Variants in SUGCT observed in about 807,000 individuals in gnomAD.
SUGCT encodes the protein succinyl-CoA:glutarate-CoA transferase, also known as succinyl-CoA:glutarate CoA-transferase.
A neutral mutation model predicts 55.0 loss-of-function variants in SUGCT; 41 were observed. The ratio of observed to expected loss-of-function variants is 0.74; its 90% CI spans 0.58 to 0.97. The LOEUF is 0.97. Among genes scored for constraint, SUGCT ranks in the 50% least tolerant of loss-of-function variants. The probability of loss-of-function intolerance (pLI) is 0.00; values close to 1 mark genes in which losing one functional copy is unlikely to be tolerated. For missense variants in SUGCT, 568 were observed against 547.8 expected (o/e 1.04, Z -0.37); for synonymous variants, 187 against 200.4 (o/e 0.93, Z 0.56).
At chr7:40,352,743 G>A (rs759233409) in intron 9 of SUGCT, among the ~76,000 whole-genome samples, 2 of 152,128 alleles carry the variant, frequency 1.3e-5, no homozygotes, top group Non-Finnish European at 1.5e-5. Context: ...ACATACGCGT[G>A]CGTGTGTCTT....
chr7:40,987,275 C>T, the SUGCT span, among the ~76,000 whole-genome samples: 3,055 of 152,080 alleles, frequency 0.02, 95 homozygotes, highest in African/African-American at 0.069. Context: ...GTGGACATGA[C>T]GAGGGGACTG....
At chr7:40,439,648 T>C (rs894915314) in intron 9 of SUGCT, among the ~76,000 whole-genome samples, 4 of 152,130 alleles carry the variant, frequency 2.6e-5, no homozygotes, top group Non-Finnish European at 5.9e-5. Flanking sequence ...CTACTCTTTT[T>C]TAGTCTTTCA....
At chr7:40,523,771 A>G (rs1206105744) in intron 12 of SUGCT, among the ~76,000 whole-genome samples, 1 of 152,046 alleles carries the variant, frequency 6.6e-6, no homozygotes, top group Non-Finnish European at 1.5e-5. Context: ...GCATGCATGG[A>G]TTGTTTGCTG....
intron 12 of SUGCT, among the ~76,000 whole-genome samples, chr7:40,643,640 C>G (rs768288142): frequency 2.6e-5 from 4 of 152,206 alleles, no homozygotes; most frequent in Non-Finnish European, 5.9e-5. Flanking sequence ...TCTCCTAGCT[C>G]ATTTGAATTT....
chr7:40,258,524 G>A lies in SUGCT; in HGVS notation c.577-15989G>A, dbSNP rs542708265. Among the ~76,000 whole-genome samples the A allele has an allele frequency of 2.0e-4, 31 of 152,276 alleles. No homozygotes were observed. In the South Asian group the frequency reaches 6.4e-3, roughly 32 times the overall value. On this transcript the variant is annotated intron_variant, in intron 7 of 13. Transcript: ENST00000335693. Reference sequence around the variant, plus strand: ...CTCCTGAGTAGCTGGGATTACAGGAGTGTGCAACCATCTCCAGCTAATTAT... The same window carrying A: ...CTCCTGAGTAGCTGGGATTACAGGAATGTGCAACCATCTCCAGCTAATTAT...
intron 9 of SUGCT, among the ~76,000 whole-genome samples, chr7:40,403,955 A>G (rs538526254): frequency 1.5e-4 from 23 of 152,294 alleles, no homozygotes; most frequent in African/African-American, 4.6e-4. Flanking sequence ...GAAATTGTGC[A>G]TTACATTCTT....
At position 40,195,031 on chromosome 7, in the gene SUGCT, C is replaced by CTCCTCACATCATCTATTGT; in HGVS notation, c.459_477dup (p.Ile160SerfsTer23). On this transcript the variant is annotated frameshift_variant, in exon 6 of 14. Transcript: ENST00000335693. LOFTEE classifies it high-confidence loss of function. ...GGATATGAAGATATAGACGAGATTG[C>CTCCTCACATCATCTATTGT]TCCTCACATCATCTATTGTTCCATC... The CTCCTCACATCATCTATTGT allele has an allele frequency of 6.2e-7, 1 of 1,613,608 alleles. No individual in the cohort carries two copies. The highest frequency in any genetic ancestry group is 8.5e-7 in the Non-Finnish European group (1 of 1,179,734).
chr7:40,445,761 T>C (rs947799461), intron 9 of SUGCT, among the ~76,000 whole-genome samples: 27 of 152,242 alleles, frequency 1.8e-4, no homozygotes, highest in African/African-American at 5.1e-4. Flanking sequence ...ACATATTATT[T>C]TTTAAAGTTC....
the SUGCT span, among the ~76,000 whole-genome samples, chr7:41,001,217 A>C: frequency 6.6e-6 from 1 of 152,108 alleles, no homozygotes; most frequent in Non-Finnish European, 1.5e-5. Context: ...CTGAGGTGGC[A>C]CTTCAACATT....
the SUGCT span, among the ~76,000 whole-genome samples, chr7:40,935,601 C>T: frequency 4.6e-5 from 7 of 152,014 alleles, no homozygotes; most frequent in African/African-American, 9.7e-5. Context: ...ATTTTATGGC[C>T]GAATAATATT....
At chr7:40,625,964 A>G (rs574835910) in intron 12 of SUGCT, among the ~76,000 whole-genome samples, 26 of 152,310 alleles carry the variant, frequency 1.7e-4, no homozygotes, top group South Asian at 1.5e-3. Flanking sequence ...ATTGAAATTC[A>G]CACCCTGTGA....
intron 1 of SUGCT, among the ~76,000 whole-genome samples, chr7:40,171,114 C>T (rs181710112): frequency 1.3e-5 from 2 of 152,298 alleles, no homozygotes; most frequent in Non-Finnish European, 2.9e-5. Flanking sequence ...GGCCTTTGTC[C>T]TTCTTTCCTT....
At chr7:40,407,831 C>T (rs1202755365) in intron 9 of SUGCT, among the ~76,000 whole-genome samples, 1 of 152,090 alleles carries the variant, frequency 6.6e-6, no homozygotes, top group Non-Finnish European at 1.5e-5. Flanking sequence ...GACATATTCT[C>T]TGAAATAAGA....
chr7:40,288,201 G>A (rs1322335153), intron 8 of SUGCT, among the ~76,000 whole-genome samples: 2 of 151,938 alleles, frequency 1.3e-5, no homozygotes, highest in Non-Finnish European at 2.9e-5. Flanking sequence ...GAGTTGAAAA[G>A]TATTCCCTCC....
rs548635155 is a variant in SUGCT at position 40,514,696 on chromosome 7, G to A, written c.1089+18310G>A. 2.7e-4 allele frequency among the ~76,000 whole-genome samples: 34 copies of A among 125,712 alleles called. 1 individual carries two copies. The highest frequency in any genetic ancestry group is 0.012 in the Middle Eastern group (2 of 162). 82.5% of individuals were successfully genotyped at this position (125,712 alleles called of 152,430 possible). On this transcript the variant is annotated intron_variant, in intron 12 of 13. Transcript: ENST00000335693. ...TTGCACTGCGGCCTGGGCAACAAGA[G>A]CGAAACTCCGTCTCAAAAAAAAAAA... is the stretch of plus-strand genomic sequence containing the variant.
At chr7:40,683,737 C>T (rs1350161422) in intron 12 of SUGCT, among the ~76,000 whole-genome samples, 1 of 152,206 alleles carries the variant, frequency 6.6e-6, no homozygotes, top group Non-Finnish European at 1.5e-5. Flanking sequence ...AACATTCACT[C>T]TCAGACGTTG....
chr7:40,336,617 C>T (rs532283567), intron 9 of SUGCT, among the ~76,000 whole-genome samples: 1 of 152,128 alleles, frequency 6.6e-6, no homozygotes, highest in South Asian at 2.1e-4. Flanking sequence ...TTTTTTATTG[C>T]ACGTATTTAA....
At chr7:40,673,297 G>A (rs1270694082) in intron 12 of SUGCT, among the ~76,000 whole-genome samples, 1 of 152,090 alleles carries the variant, frequency 6.6e-6, no homozygotes, top group Non-Finnish European at 1.5e-5. Flanking sequence ...TTGATCTTCT[G>A]TAGAGTGATG....
the SUGCT span, among the ~76,000 whole-genome samples, chr7:40,867,015 A>T: frequency 1.2e-4 from 18 of 151,924 alleles, no homozygotes; most frequent in Non-Finnish European, 2.4e-4. Flanking sequence ...ATAGGCCCAG[A>T]TGGGGGGAGA....
Sources: gnomAD v4.1 joint callset for allele counts (sites outside exome capture counted in the v4.1 genomes callset) on GRCh38, gnomAD v4.1.1 for gene constraint, MANE v1.5 for transcripts, NCBI Gene and HGNC (gene_info 2026-07-23, HGNC 2026-07-21) for gene names.